C8orf34: variants seen among roughly 807,000 people sequenced by gnomAD.
The protein encoded by C8orf34 is uncharacterized protein C8orf34.
Under a neutral mutation model 68.3 loss-of-function variants are expected in C8orf34, and 65 were observed. That is an observed-to-expected ratio of 0.95 (90% CI 0.78 to 1.17). The LOEUF (loss-of-function observed/expected upper bound fraction) is 1.17, where lower values mean the gene tolerates loss of function less well. C8orf34 is among the 50% of genes most tolerant of loss of function. The pLI is 0.00. For missense variants in C8orf34, 664 were observed against 655.4 expected (o/e 1.01, Z -0.14); for synonymous variants, 244 against 241.2 (o/e 1.01, Z -0.11).
chr8:68,552,125 A>G (rs1433902669), intron 7 of C8orf34, among the ~76,000 whole-genome samples: 1 of 151,994 alleles, frequency 6.6e-6, no homozygotes, highest in African/African-American at 2.4e-5. Flanking sequence ...TATCCTAATT[A>G]CTCTAGCTAT....
Position 68,458,488 on chromosome 8 carries a change from T to C in C8orf34, c.608-10204T>C, listed in dbSNP as rs1180516641. Among the ~76,000 whole-genome samples the C allele has an allele frequency of 2.6e-5, 4 of 152,078 alleles. No homozygotes were observed. The East Asian group carries it at 7.7e-4, about 29-fold the overall frequency. ...AAACCTGAGTTCTTATTTTGTAAAT[T>C]AAAAAGAAAATATGAAGAGAGACCT... On this transcript the variant is annotated intron_variant, in intron 3 of 13. Coordinates refer to ENST00000518698, the MANE Select transcript of C8orf34 (RefSeq NM_052958.4).
At chr8:68,522,973 T>C (rs912413821) in intron 6 of C8orf34, among the ~76,000 whole-genome samples, 2 of 152,204 alleles carry the variant, frequency 1.3e-5, no homozygotes, top group African/African-American at 4.8e-5. Flanking sequence ...TTCTACAATG[T>C]AATAGCTTTC....
intron 7 of C8orf34, among the ~76,000 whole-genome samples, chr8:68,639,338 G>A (rs1233254458): frequency 1.3e-5 from 2 of 152,072 alleles, no homozygotes; most frequent in Non-Finnish European, 2.9e-5. Flanking sequence ...TATGGAAGAA[G>A]CCTGTTGACA....
chr8:68,357,802 C>T (rs1212846686), intron 1 of C8orf34, among the ~76,000 whole-genome samples: 1 of 152,238 alleles, frequency 6.6e-6, no homozygotes, highest in Non-Finnish European at 1.5e-5. Context: ...GTAGCAAACA[C>T]TTATGAGAAC....
At chr8:68,817,820 C>T (rs532163423) in intron 13 of C8orf34, among the ~76,000 whole-genome samples, 1 of 152,216 alleles carries the variant, frequency 6.6e-6, no homozygotes, top group African/African-American at 2.4e-5. Context: ...AAGACACCTT[C>T]ACAAGGCATC....
intron 12 of C8orf34, among the ~76,000 whole-genome samples, chr8:68,810,514 A>C (rs2978227): frequency 0.5 from 75,824 of 151,880 alleles, 21,756 homozygotes; most frequent in African/African-American, 0.8. Context: ...TCTCTTCTCT[A>C]CTTCTCGTAG....
chr8:68,699,983 A>G (rs1820940900), intron 8 of C8orf34, among the ~76,000 whole-genome samples: 1 of 152,076 alleles, frequency 6.6e-6, no homozygotes, highest in African/African-American at 2.4e-5. Flanking sequence ...GCAAATGTTC[A>G]GAGGTTCTTG....
At chr8:68,613,443 T>TC (rs141908753) in intron 7 of C8orf34, among the ~76,000 whole-genome samples, 33,185 of 128,344 alleles carry the variant, frequency 0.26, 3,868 homozygotes, top group African/African-American at 0.44. Flanking sequence ...TCCCTCCCCC[T>TC]CCCCCCACAC....
At chr8:68,784,395 G>A (rs1004827571) in intron 11 of C8orf34, among the ~76,000 whole-genome samples, 12 of 152,088 alleles carry the variant, frequency 7.9e-5, no homozygotes, top group Non-Finnish European at 1.6e-4. Flanking sequence ...TATTGCTGTT[G>A]ACCTTGGTCA....
chr8:68,630,688 A>G (rs1005760657), intron 7 of C8orf34, among the ~76,000 whole-genome samples: 9 of 152,124 alleles, frequency 5.9e-5, no homozygotes, highest in Non-Finnish European at 1.3e-4. Context: ...GGTAATATTG[A>G]CTATATTCCA....
intron 8 of C8orf34, among the ~76,000 whole-genome samples, chr8:68,667,336 G>T (rs181483976): frequency 1.0e-3 from 156 of 152,176 alleles, no homozygotes; most frequent in African/African-American, 3.6e-3. Context: ...CTCAAATTAG[G>T]TATCTTCTCT....
At chr8:68,616,033 C>T (rs61124581) in intron 7 of C8orf34, among the ~76,000 whole-genome samples, 2 of 150,046 alleles carry the variant, frequency 1.3e-5, no homozygotes, top group African/African-American at 2.5e-5. Flanking sequence ...GTGTACGTGT[C>T]GAGGAATTTA....
chr8:68,755,928 G>A lies in C8orf34; in HGVS notation c.1405-20471G>A, dbSNP rs12114889. 1.7e-3 allele frequency among the ~76,000 whole-genome samples: 261 copies of A among 152,010 alleles called. 1 individual carries two copies. The highest frequency in any genetic ancestry group is 6.0e-3 in the African/African-American group (247 of 41,434). On this transcript the variant is annotated intron_variant, in intron 10 of 13. Coordinates refer to ENST00000518698, the MANE Select transcript of C8orf34 (RefSeq NM_052958.4). The stretch of plus-strand genomic sequence containing the variant: ...ACAAAAAAAAAAAAATTAGCCGGGC[G>A]TGATGGCGGGCGCCTGTAGTCCCAG...
chr8:68,713,549 A>G (rs1333278090), intron 9 of C8orf34, among the ~76,000 whole-genome samples: 3 of 152,162 alleles, frequency 2.0e-5, no homozygotes, highest in African/African-American at 7.2e-5. Flanking sequence ...AAATTGGAAA[A>G]CCTAGAGGAG....
Position 68,751,227 on chromosome 8 carries a change from A to T in C8orf34, c.1405-25172A>T, listed in dbSNP as rs75433581. On this transcript the variant is annotated intron_variant, in intron 10 of 13. Transcript: ENST00000518698. ...ATAATGAATCCCATATTGTAACATGACAGTTCTTAGCTCAATATATGCTTA... is the reference window on the plus strand; with the variant it reads ...ATAATGAATCCCATATTGTAACATGTCAGTTCTTAGCTCAATATATGCTTA... Among the ~76,000 whole-genome samples the T allele has an allele frequency of 9.0e-3, 1,366 of 152,286 alleles. 24 individuals carry two copies. The highest frequency in any genetic ancestry group is 0.03 in the African/African-American group (1,261 of 41,554).
At chr8:68,478,599 C>G (rs532832063) in intron 4 of C8orf34, among the ~76,000 whole-genome samples, 33 of 152,258 alleles carry the variant, frequency 2.2e-4, no homozygotes, top group African/African-American at 7.5e-4. Context: ...ATGCCTGAGA[C>G]TGGGTAATTT....
intron 1 of C8orf34, among the ~76,000 whole-genome samples, chr8:68,353,915 G>T (rs942628060): frequency 6.6e-6 from 1 of 151,812 alleles, no homozygotes; most frequent in South Asian, 2.1e-4. Context: ...TAAGGAACTT[G>T]AGATCTGTGG....
chr8:68,510,114 G>A (rs1264968107), intron 5 of C8orf34, among the ~76,000 whole-genome samples: 1 of 151,930 alleles, frequency 6.6e-6, no homozygotes, highest in African/African-American at 2.4e-5. Flanking sequence ...TTTTTCTTAG[G>A]GCTTTGACCC....
At chr8:68,377,654 A>G (rs1282741631) in intron 1 of C8orf34, among the ~76,000 whole-genome samples, 1 of 152,210 alleles carries the variant, frequency 6.6e-6, no homozygotes, top group Admixed American at 6.5e-5. Flanking sequence ...TTTTTTGGGT[A>G]AAGCAATTTA....
Sources: gnomAD v4.1 joint callset for allele counts (sites outside exome capture counted in the v4.1 genomes callset) on GRCh38, gnomAD v4.1.1 for gene constraint, MANE v1.5 for transcripts, NCBI Gene and HGNC (gene_info 2026-07-23, HGNC 2026-07-21) for gene names.